The following CDK14 variants were observed in gnomAD, a reference collection of about 807,000 sequenced individuals.
CDK14 encodes cyclin-dependent kinase 14.
In CDK14, 34 loss-of-function variants were observed where a neutral mutation model predicts 60.7. The ratio of observed to expected loss-of-function variants is 0.56; its 90% CI spans 0.43 to 0.75. CDK14 has a LOEUF of 0.75. Among genes scored for constraint, CDK14 ranks in the 30% least tolerant of loss-of-function variants. The probability of loss-of-function intolerance (pLI) is 0.00; values close to 1 mark genes in which losing one functional copy is unlikely to be tolerated. For missense variants in CDK14, 482 were observed against 564.1 expected (o/e 0.85, Z 1.47); for synonymous variants, 197 against 203.7 (o/e 0.97, Z 0.28).
Position 90,623,543 on chromosome 7 carries a change from G to A in CDK14, c.123+19294G>A, listed in dbSNP as rs73707284. Among the ~76,000 whole-genome samples the A allele has an allele frequency of 5.1e-3, 781 of 152,192 alleles. 6 individuals carry two copies. The highest frequency in any genetic ancestry group is 0.016 in the African/African-American group (667 of 41,524). ...AAGTGTTCTGAATATTAGATTTTAA[G>A]GTATTAGTTGTTTTTTTAAGTTTTC... On this transcript the variant is annotated intron_variant, in intron 2 of 14. Coordinates refer to ENST00000380050, the MANE Select transcript of CDK14 (RefSeq NM_001287135.2).
chr7:91,017,544 T>C (rs190515863), intron 10 of CDK14, among the ~76,000 whole-genome samples: 11 of 152,364 alleles, frequency 7.2e-5, no homozygotes, highest in Non-Finnish European at 1.3e-4. Context: ...AGCTTTCATA[T>C]ACACTTTAGG....
chr7:91,180,901 T>C (rs1801981218), intron 14 of CDK14, among the ~76,000 whole-genome samples: 5 of 152,150 alleles, frequency 3.3e-5, no homozygotes, highest in Admixed American at 2.0e-4. Context: ...TGTACAGAGC[T>C]TCAACAATTA....
chr7:90,734,135 C>T (rs1686551799), intron 3 of CDK14, among the ~76,000 whole-genome samples: 1 of 152,182 alleles, frequency 6.6e-6, no homozygotes, highest in Admixed American at 6.5e-5. Context: ...TGAATATTGG[C>T]CTCCACTCTC....
At chr7:90,727,085 T>C (rs974825882) in intron 3 of CDK14, among the ~76,000 whole-genome samples, 13 of 152,318 alleles carry the variant, frequency 8.5e-5, no homozygotes, top group Non-Finnish European at 1.9e-4. Context: ...AATTTATAAT[T>C]AAAAGTCTTT....
chr7:90,857,219 G>T (rs11979669), intron 5 of CDK14, among the ~76,000 whole-genome samples: 4,621 of 152,082 alleles, frequency 0.03, 230 homozygotes, highest in African/African-American at 0.1. Context: ...ACTAGAGTTT[G>T]GATGAAATTC....
chr7:90,689,576 A>G (rs775348829), intron 2 of CDK14, among the ~76,000 whole-genome samples: 2 of 152,226 alleles, frequency 1.3e-5, no homozygotes, highest in Non-Finnish European at 1.5e-5. Context: ...TTTTACAATT[A>G]GATCTTCTCA....
At chr7:90,943,686 A>G (rs577883967) in intron 8 of CDK14, among the ~76,000 whole-genome samples, 3 of 152,308 alleles carry the variant, frequency 2.0e-5, no homozygotes, top group African/African-American at 7.2e-5. Flanking sequence ...TTTTGGGGTT[A>G]CTTCTTACCC....
At chr7:91,176,000 A>G (rs927664674) in intron 14 of CDK14, among the ~76,000 whole-genome samples, 1 of 152,192 alleles carries the variant, frequency 6.6e-6, no homozygotes, top group Non-Finnish European at 1.5e-5. Context: ...AATCAACAGA[A>G]TACACATTCT....
At chr7:90,943,824 T>C (rs1222147248) in intron 8 of CDK14, among the ~76,000 whole-genome samples, 2 of 152,184 alleles carry the variant, frequency 1.3e-5, no homozygotes, top group Non-Finnish European at 2.9e-5. Flanking sequence ...CTGGATGAGT[T>C]GGGGTGGGTC....
At chr7:90,618,272 T>A (rs1042985965) in intron 2 of CDK14, among the ~76,000 whole-genome samples, 5 of 152,218 alleles carry the variant, frequency 3.3e-5, no homozygotes, top group Non-Finnish European at 7.3e-5. Flanking sequence ...TACTTTGGAT[T>A]CTTTTTTATT....
In CDK14 at chr7:90,868,844, A is replaced by G. The variant is rs116439214; in HGVS notation, c.639+5575A>G. Among the ~76,000 whole-genome samples the G allele has an allele frequency of 7.7e-3, 1,166 of 152,324 alleles. 19 individuals are homozygous for G. The highest frequency in any genetic ancestry group is 0.027 in the African/African-American group (1,127 of 41,572). On this transcript the variant is annotated intron_variant, in intron 6 of 14. Transcript: ENST00000380050. ...GATTGACAAATGATTTAGCCAAGTT[A>G]AAATGGTAAAGATATGACTTTAGCT...
At chr7:90,920,259 A>C (rs1277593075) in intron 8 of CDK14, among the ~76,000 whole-genome samples, 4 of 152,098 alleles carry the variant, frequency 2.6e-5, no homozygotes, top group Non-Finnish European at 4.4e-5. Flanking sequence ...AAGAGCTTTA[A>C]AAATGGTTTC....
At chr7:90,622,459 C>T (rs1353950114) in intron 2 of CDK14, among the ~76,000 whole-genome samples, 1 of 152,200 alleles carries the variant, frequency 6.6e-6, no homozygotes, top group Non-Finnish European at 1.5e-5. Context: ...GGTGATCTTT[C>T]TCTGAAGTCC....
At chr7:90,640,122 C>T (rs376598378) in intron 2 of CDK14, among the ~76,000 whole-genome samples, 2 of 152,086 alleles carry the variant, frequency 1.3e-5, no homozygotes, top group East Asian at 2.0e-4. Context: ...GTGCGCTGCA[C>T]CCACTGTCCT....
intron 10 of CDK14, among the ~76,000 whole-genome samples, chr7:91,029,863 C>G (rs1156499190): frequency 6.6e-6 from 1 of 152,048 alleles, no homozygotes; most frequent in Admixed American, 6.6e-5. Flanking sequence ...GACAAAAAAA[C>G]ATAGTTTGAC....
intron 14 of CDK14, among the ~76,000 whole-genome samples, chr7:91,135,917 G>A (rs1800266446): frequency 6.6e-6 from 1 of 152,086 alleles, no homozygotes; most frequent in South Asian, 2.1e-4. Flanking sequence ...TACCATCAAA[G>A]TGCTCACAGG....
At position 91,208,588 on chromosome 7, in the gene CDK14, G is replaced by A. The variant is rs1802974199; in HGVS notation, c.*1452G>A. On this transcript the variant is annotated 3_prime_UTR_variant, in exon 15 of 15. Transcript: ENST00000380050. Reference sequence around the variant, plus strand: ...TTCCTATTAGTCAGAAAGAAGGAGAGAATGAGTGAGTGCTTGAAATGTGTC... The same window carrying A: ...TTCCTATTAGTCAGAAAGAAGGAGAAAATGAGTGAGTGCTTGAAATGTGTC... 6.6e-6 allele frequency: 1 copy of A among 152,238 alleles called. No individual in the cohort carries two copies. The highest frequency in any genetic ancestry group is 6.5e-5 in the Admixed American group (1 of 15,286). 9.4% of individuals were successfully genotyped at this position (152,238 alleles called of 1,614,324 possible).
At chr7:90,949,393 G>A (rs1307795620) in intron 8 of CDK14, among the ~76,000 whole-genome samples, 1 of 151,892 alleles carries the variant, frequency 6.6e-6, no homozygotes, top group African/African-American at 2.4e-5. Flanking sequence ...GTAGAGATGG[G>A]GTTTCATCAT....
intron 10 of CDK14, among the ~76,000 whole-genome samples, chr7:91,027,210 A>G (rs1796599469): frequency 6.6e-6 from 1 of 152,224 alleles, no homozygotes; most frequent in Non-Finnish European, 1.5e-5. Flanking sequence ...AAAGTATAAC[A>G]TGTAGTTAAC....
Sources: gnomAD v4.1 joint callset for allele counts (sites outside exome capture counted in the v4.1 genomes callset) on GRCh38, gnomAD v4.1.1 for gene constraint, MANE v1.5 for transcripts, NCBI Gene and HGNC (gene_info 2026-07-23, HGNC 2026-07-21) for gene names.